Variants in MLLT6 observed in about 807,000 individuals in gnomAD.
The protein encoded by MLLT6 is MLLT6, PHD finger containing.
Under a neutral mutation model 103.0 loss-of-function variants are expected in MLLT6, and 22 were observed. The ratio of observed to expected loss-of-function variants is 0.21; its 90% confidence interval spans 0.15 to 0.31. MLLT6 has a LOEUF of 0.31. MLLT6 is among the 10% of genes least tolerant of loss of function. The pLI, the probability that MLLT6 is intolerant of heterozygous loss-of-function variation, is 1.00. For missense variants in MLLT6, 1,199 were observed against 1,441.7 expected (o/e 0.83, Z 2.73); for synonymous variants, 606 against 623.5 (o/e 0.97, Z 0.42).
rs879210230 is a variant in MLLT6, at chr17:38,729,778, C to CAAAAAAA, written c.*4191_*4197dup. 7 of 118,770 alleles carry CAAAAAAA rather than the reference C, an allele frequency of 5.9e-5. No homozygotes were observed. The highest frequency in any genetic ancestry group is 1.8e-4 in the African/African-American group (5 of 27,150). The allele number at this position is 118,770 out of a possible 1,614,324, so 7.4% of individuals were successfully genotyped here. On this transcript the variant is annotated 3_prime_UTR_variant, in exon 20 of 20. Transcript: ENST00000621332. Reference sequence around the variant, plus strand: ...GTTCTTTTAATAAAAGAATGTTTTGCAAAAAAAAAAAAAAAAATCCGAAGA... The same window carrying CAAAAAAA: ...GTTCTTTTAATAAAAGAATGTTTTGCAAAAAAAAAAAAAAAAAAAAAAAATCCGAAGA...
At chr17:38,707,646 G>A (rs1046696700) in intron 3 of MLLT6, 106 bp downstream of exon 3, 6 of 1,329,310 alleles carry the variant, frequency 4.5e-6, no homozygotes, top group Non-Finnish European at 6.5e-6. Flanking sequence ...TTCCCTGGCT[G>A]GCGCTGGAAT....
chr17:38,709,062 T>A lies in MLLT6; in HGVS notation c.355-111T>A. 1 of 790,936 alleles carries A rather than the reference T, an allele frequency of 1.3e-6. No homozygotes were observed. 49.0% of individuals were successfully genotyped at this position (790,936 alleles called of 1,614,324 possible). On this transcript the variant is annotated intron_variant, in intron 4 of 19. Transcript: ENST00000621332. This position sits in a 1 kb window ranked among gnomAD's most constrained non-coding sequence, Gnocchi z 4.3. ...CATCACTGCAGACAGTTCTGTGGGA[T>A]AGCACTGATCTAAGACTGTAGAGAG...
chr17:38,729,272 A>G lies in MLLT6; in HGVS notation c.*3674A>G, dbSNP rs1424240702. ...TTTATCTCAACTTATTTTCCTGGGG[A>G]GAGGTGCCTAGAGGGATTGAGGTAA... On this transcript the variant is annotated 3_prime_UTR_variant, in exon 20 of 20. Transcript: ENST00000621332. 4.3e-6 allele frequency: 1 copy of G among 233,118 alleles called. No homozygotes were observed. Among genetic ancestry groups the G allele is most frequent in the Non-Finnish European group, 8.5e-6 (1 of 118,058 alleles). 14.4% of individuals were successfully genotyped at this position (233,118 alleles called of 1,614,324 possible). A position where few individuals can be genotyped will look rare whatever the true frequency, so the allele number is the denominator to read the frequency against.
At chr17:38,714,134 A>G (rs1905236047) in intron 8 of MLLT6, 1 of 152,218 alleles carries the variant, frequency 6.6e-6, no homozygotes, top group Non-Finnish European at 1.5e-5. Flanking sequence ...AAATAATCCA[A>G]TTAGGTTGGA....
At position 38,709,645 on chromosome 17, in the gene MLLT6, T is replaced by TGGGCC. The variant is rs1905075627; in HGVS notation, c.552+71_552+75dup. 13 of 1,255,396 alleles carry TGGGCC rather than the reference T, an allele frequency of 1.0e-5. No homozygotes were observed. In the South Asian group the frequency reaches 1.6e-4, roughly 15 times the overall value. 77.8% of individuals were successfully genotyped at this position (1,255,396 alleles called of 1,614,324 possible). On this transcript the variant is annotated intron_variant, in intron 6 of 19. Coordinates refer to ENST00000621332, the MANE Select transcript of MLLT6 (RefSeq NM_005937.4). This position sits in a 1 kb window ranked among gnomAD's most constrained non-coding sequence, Gnocchi z 4.3. ...TAAGATGGTTAGAGGGCATGGGCTC[T>TGGGCC]GGGCCAGGCCAGTGCCTGGTGCTAG...
intron 16 of MLLT6, 96 bp from the exon 17 acceptor site, chr17:38,721,782 G>A: frequency 1.3e-6 from 1 of 791,836 alleles, no homozygotes; most frequent in South Asian, 2.0e-5. Context: ...TGAAGTGGGG[G>A]TTGCTGTGCT....
intron 19 of MLLT6, 187 bp downstream of exon 19, chr17:38,725,163 A>T: frequency 1.8e-6 from 1 of 563,620 alleles, no homozygotes; most frequent in Non-Finnish European, 3.1e-6. Flanking sequence ...GCCAAGAAAG[A>T]TCCGATCTGA....
In MLLT6 at chr17:38,712,613, T is replaced by G. The variant is rs1905181799; in HGVS notation, c.721-78T>G. 4.3e-6 allele frequency: 4 copies of G among 924,210 alleles called. No homozygotes were observed. The South Asian group carries it at 5.5e-5, about 13-fold the overall frequency. The allele number at this position is 924,210 out of a possible 1,614,324, so 57.3% of individuals were successfully genotyped here. ...ACCCCATCCCTAAGGGGGTGTCAGC[T>G]CCCCATACCCACATGTCATGTTTGT... is the stretch of plus-strand genomic sequence containing the variant. On this transcript the variant is annotated intron_variant, in intron 7 of 19. Coordinates refer to ENST00000621332, the MANE Select transcript of MLLT6 (RefSeq NM_005937.4).
In MLLT6 at chr17:38,707,878, C is replaced by T. The variant is rs370420031; in HGVS notation, c.354+6C>T. 2.0e-5 allele frequency: 32 copies of T among 1,575,308 alleles called. No individual in the cohort carries two copies. The highest frequency in any genetic ancestry group is 2.7e-5 in the African/African-American group (2 of 74,282). ...CTCATGATCGCTTCAACAAGGTCAG[C>T]GGCCCCCCGCCGTGTCCCCTACCAG... On this transcript the variant is annotated splice_donor_region_variant and intron_variant, in intron 4 of 19. Transcript: ENST00000621332.
rs974007855 is a variant in MLLT6 at position 38,727,149 on chromosome 17, T to A, written c.*1551T>A. On this transcript the variant is annotated 3_prime_UTR_variant, in exon 20 of 20. Coordinates refer to ENST00000621332, the MANE Select transcript of MLLT6 (RefSeq NM_005937.4). ...TGTTGTTGGGTTTTTTTTTTTTTTT[T>A]AATAAAGAAAAGAAGATGTGTATAT... is the stretch of plus-strand genomic sequence containing the variant. 15 of 232,012 alleles carry A rather than the reference T, an allele frequency of 6.5e-5. No homozygotes were observed. The highest frequency in any genetic ancestry group is 1.8e-4 in the South Asian group (1 of 5,504). 14.4% of individuals were successfully genotyped at this position (232,012 alleles called of 1,614,324 possible).
chr17:38,725,851 C>T lies in MLLT6; in HGVS notation c.*253C>T, dbSNP rs552971856. 2.5e-5 allele frequency: 12 copies of T among 480,838 alleles called. No individual in the cohort carries two copies. The highest frequency in any genetic ancestry group is 1.1e-4 in the East Asian group (3 of 28,160). 29.8% of individuals were successfully genotyped at this position (480,838 alleles called of 1,614,324 possible). ...TCAGAGGAAGGACAGTCTGCAAGCC[C>T]GCCTAGGAGGTCCATCCCCAGCAAA... On this transcript the variant is annotated 3_prime_UTR_variant, in exon 20 of 20. Transcript: ENST00000621332.
intron 12 of MLLT6, chr17:38,719,302 GAGGAGGA>G: frequency 1.7e-6 from 1 of 578,378 alleles, no homozygotes; most frequent in Non-Finnish European, 3.1e-6. Flanking sequence ...CTTCAGCCCA[GAGGAGGA>G]AGAGAGCAGA....
chr17:38,719,407 C>T (rs566488194), intron 12 of MLLT6, 110 bp from the exon 13 acceptor site: 2 of 1,011,900 alleles, frequency 2.0e-6, no homozygotes, highest in East Asian at 2.6e-5. Flanking sequence ...TTGGGGATTC[C>T]TGGGGAAAGG....
At chr17:38,722,548 G>A (rs898494334) in intron 17 of MLLT6, 130 bp from the exon 18 acceptor site, 3 of 658,510 alleles carry the variant, frequency 4.6e-6, no homozygotes, top group African/African-American at 3.6e-5. Context: ...CTCTAAGATC[G>A]CACATCCCTG....
chr17:38,715,862 A>C, intron 9 of MLLT6, 34 bp downstream of exon 9: 1 of 1,548,142 alleles, frequency 6.5e-7, no homozygotes, highest in Non-Finnish European at 8.8e-7. Flanking sequence ...AGCTGGGAGC[A>C]GGGAAAGCCT....
rs1906198551 is a variant in MLLT6 at position 38,729,317 on chromosome 17, G to A, written c.*3719G>A. The A allele has an allele frequency of 4.3e-6, 1 of 233,214 alleles. No homozygotes were observed. Among genetic ancestry groups the A allele is most frequent in the South Asian group, 1.8e-4 (1 of 5,540 alleles). 14.4% of individuals were successfully genotyped at this position (233,214 alleles called of 1,614,324 possible). ...AGGTAACTTCAACTGGGAATTCCAA[G>A]GAAGGTGGGCAAGTAGCCTTGGCTC... On this transcript the variant is annotated 3_prime_UTR_variant, in exon 20 of 20. Coordinates refer to ENST00000621332, the MANE Select transcript of MLLT6 (RefSeq NM_005937.4).
chr17:38,713,128 G>C (rs182937010), intron 8 of MLLT6: 1 of 711,562 alleles, frequency 1.4e-6, no homozygotes, highest in Non-Finnish European at 2.6e-6. Flanking sequence ...TGTCCCCAGA[G>C]ATCGGTAGAG....
At chr17:38,720,300 G>GCCCCCCCCCCCGGCC in intron 14 of MLLT6, 72 bp from the exon 15 acceptor site, 5 of 726,388 alleles carry the variant, frequency 6.9e-6, no homozygotes, top group East Asian at 3.0e-5. Context: ...TCCCCTCCAG[G>GCCCCCCCCCCCGGCC]CCCCGCCCCC....
At position 38,720,532 on chromosome 17, in the gene MLLT6, C is replaced by T. The variant is rs1567929636; in HGVS notation, c.2316C>T (p.Asn772=). 6 of 1,612,204 alleles carry T rather than the reference C, an allele frequency of 3.7e-6. No homozygotes were observed. The highest frequency in any genetic ancestry group is 1.1e-5 in the South Asian group (1 of 91,008). The change falls in exon 15 of 20, where the codon AAC becomes AAT. Residue 772 remains asparagine (N), a synonymous_variant. Transcript: ENST00000621332. The stretch of plus-strand genomic sequence containing the variant: ...TGCCTGCTGCCCTGCCTGCCGCCAA[C>T]GGCCCTGTCCCTGGGCCCTATGGCC... ...PALPAALPAA[N]GPVPGPYGLP...
Sources: allele counts gnomAD v4.1 joint callset, GRCh38; gene constraint gnomAD v4.1.1; non-coding constraint Gnocchi (gnomAD v3.1); transcripts MANE v1.5; gene names NCBI Gene and HGNC (gene_info 2026-07-23, HGNC 2026-07-21).